Variants in KIF21A observed in about 807,000 individuals in gnomAD.
The protein encoded by KIF21A is kinesin-like protein KIF21A.
A neutral mutation model predicts 202.9 loss-of-function variants in KIF21A; 114 were observed. That is an observed-to-expected ratio of 0.56 (90% CI 0.48 to 0.66). KIF21A has a LOEUF of 0.66. KIF21A is among the 30% of genes least tolerant of loss of function. The pLI, the probability that KIF21A is intolerant of heterozygous loss-of-function variation, is 0.00. For missense variants in KIF21A, 1,677 were observed against 1,994.9 expected (o/e 0.84, Z 3.04); for synonymous variants, 667 against 670.8 (o/e 0.99, Z 0.09).
chr12:39,440,025 C>A (rs975806397), intron 1 of KIF21A, among the ~76,000 whole-genome samples: 1 of 152,068 alleles, frequency 6.6e-6, no homozygotes, highest in Non-Finnish European at 1.5e-5. Context: ...TATAGACACA[C>A]GATTTTGTAT....
intron 25 of KIF21A, 85 bp downstream of exon 25, chr12:39,326,179 G>GT: frequency 2.8e-6 from 3 of 1,063,478 alleles, no homozygotes; most frequent in Non-Finnish European, 4.3e-6. Context: ...AATTATTTCT[G>GT]TTTTATGGTA....
chr12:39,421,309 A>G (rs1954235615), intron 1 of KIF21A, among the ~76,000 whole-genome samples: 1 of 152,176 alleles, frequency 6.6e-6, no homozygotes, highest in Non-Finnish European at 1.5e-5. Flanking sequence ...CACAACCGCA[A>G]AATTGCCTAA....
intron 37 of KIF21A, among the ~76,000 whole-genome samples, chr12:39,297,645 GT>G (rs1942528893): frequency 6.6e-6 from 1 of 150,636 alleles, no homozygotes; most frequent in Non-Finnish European, 1.5e-5. Flanking sequence ...TAGATGACGA[GT>G]TAGTGAGTGC....
Position 39,330,242 on chromosome 12 carries a change from C to T in KIF21A, c.3340G>A (p.Glu1114Lys). ...ALQDLDSVPL[E>K]NVEDSTDEDA... Reference sequence around the variant, plus strand: ...TACACAGAAAGCTAAACATACTTACCTAATGGTACGCTATCTAGATCTGTG... The same window carrying T: ...TACACAGAAAGCTAAACATACTTACTTAATGGTACGCTATCTAGATCTGTG... Residue 1114 changes from glutamate to lysine, a missense_variant and splice_region_variant, in exon 24 of 38, where the codon GAA (glutamate) becomes AAA (lysine). Glu to Lys is a moderately conservative substitution (Grantham distance 56). Coordinates refer to ENST00000361418, the MANE Select transcript of KIF21A (RefSeq NM_001173464.2). 6.2e-7 allele frequency: 1 copy of T among 1,611,762 alleles called. No individual in the cohort carries two copies. Among genetic ancestry groups the T allele is most frequent in the African/African-American group, 1.3e-5 (1 of 74,962 alleles).
At chr12:39,393,689 C>A (rs1951533291) in intron 1 of KIF21A, among the ~76,000 whole-genome samples, 1 of 152,116 alleles carries the variant, frequency 6.6e-6, no homozygotes, top group Non-Finnish European at 1.5e-5. Context: ...AATGCTTTCC[C>A]AAAAGTATTA....
At chr12:39,315,711 C>T (rs1944460629) in intron 30 of KIF21A, 1 of 597,510 alleles carries the variant, frequency 1.7e-6, no homozygotes, top group Non-Finnish European at 3.0e-6. Flanking sequence ...AAACAGGTAT[C>T]ACAATTTTTA....
chr12:39,371,699 G>C (rs1325466728), intron 1 of KIF21A, among the ~76,000 whole-genome samples: 2 of 152,118 alleles, frequency 1.3e-5, no homozygotes, highest in South Asian at 4.1e-4. Context: ...CAGGACTTAG[G>C]GAGGCCAATA....
chr12:39,388,331 G>A (rs1409074791), intron 1 of KIF21A, among the ~76,000 whole-genome samples: 1 of 152,138 alleles, frequency 6.6e-6, no homozygotes, highest in East Asian at 1.9e-4. Flanking sequence ...TCCATCGTAA[G>A]TGGAAGCAGT....
chr12:39,357,561 G>A (rs1948871068), intron 8 of KIF21A, 124 bp from the exon 9 acceptor site: 2 of 784,136 alleles, frequency 2.6e-6, no homozygotes, highest in Non-Finnish European at 4.4e-6. Context: ...CCAACCCCAA[G>A]GCAAAAGAAA....
intron 1 of KIF21A, among the ~76,000 whole-genome samples, chr12:39,387,999 T>C (rs1464608271): frequency 6.6e-6 from 1 of 152,102 alleles, no homozygotes; most frequent in Non-Finnish European, 1.5e-5. Flanking sequence ...GCAAGAAAAG[T>C]GATGTGTGCT....
intron 24 of KIF21A, among the ~76,000 whole-genome samples, chr12:39,326,636 AC>A (rs1391158221): frequency 1.3e-5 from 2 of 152,220 alleles, no homozygotes; most frequent in African/African-American, 4.8e-5. Context: ...CGTATCCTGT[AC>A]CATCCAAACA....
intron 1 of KIF21A, among the ~76,000 whole-genome samples, chr12:39,378,041 G>C (rs944877224): frequency 6.6e-6 from 1 of 152,008 alleles, no homozygotes; most frequent in Non-Finnish European, 1.5e-5. Flanking sequence ...AGCATACATA[G>C]CTAATGCTTC....
chr12:39,436,448 A>ATATATATATATATTTTT lies in KIF21A; in HGVS notation c.44+6478_44+6479insAAAAATATATATATATA, dbSNP rs1387332677. 5.2e-5 allele frequency among the ~76,000 whole-genome samples: 5 copies of ATATATATATATATTTTT among 95,756 alleles called. No homozygotes were observed. The East Asian group carries it at 1.3e-3, about 25-fold the overall frequency. The allele number at this position is 95,756 out of a possible 152,430, so 62.8% of individuals were successfully genotyped here. On this transcript the variant is annotated intron_variant, in intron 1 of 37. Coordinates refer to ENST00000361418, the MANE Select transcript of KIF21A (RefSeq NM_001173464.2). Reference sequence around the variant, plus strand: ...TATATATATATATATATATATATATATTTTTTTTTTTTTTAGACAGGGTTT... The same window carrying ATATATATATATATTTTT: ...TATATATATATATATATATATATATATATATATATATATTTTTTTTTTTTTTTTTTTAGACAGGGTTT...
intron 11 of KIF21A, among the ~76,000 whole-genome samples, chr12:39,350,708 C>A (rs990301305): frequency 1.3e-5 from 2 of 151,994 alleles, no homozygotes; most frequent in African/African-American, 4.8e-5. Flanking sequence ...AGTGCAATTT[C>A]AATTGCAATG....
intron 24 of KIF21A, among the ~76,000 whole-genome samples, chr12:39,329,695 T>C (rs1946331910): frequency 6.6e-6 from 1 of 152,170 alleles, no homozygotes; most frequent in Non-Finnish European, 1.5e-5. Flanking sequence ...GTGCTAGTTA[T>C]AATGCCAGGT....
intron 6 of KIF21A, 64 bp from the exon 7 acceptor site, chr12:39,363,277 TAAAG>T (rs1949369473): frequency 3.2e-6 from 3 of 936,222 alleles, no homozygotes; most frequent in East Asian, 2.6e-5. Flanking sequence ...CAATTTTAAA[TAAAG>T]AAAGTTTACA....
At chr12:39,416,713 G>GCGTATATATA (rs2140144137) in intron 1 of KIF21A, among the ~76,000 whole-genome samples, 2 of 73,576 alleles carry the variant, frequency 2.7e-5, no homozygotes, top group Admixed American at 3.1e-4. Flanking sequence ...ATATATATGT[G>GCGTATATATA]TGTATATATG....
chr12:39,394,645 C>G (rs553900193), intron 1 of KIF21A, among the ~76,000 whole-genome samples: 16 of 152,330 alleles, frequency 1.1e-4, no homozygotes, highest in Admixed American at 2.0e-4. Context: ...ATATATTTCA[C>G]TGAGTAGAAG....
chr12:39,329,448 G>A (rs958880177), intron 24 of KIF21A, among the ~76,000 whole-genome samples: 1 of 151,924 alleles, frequency 6.6e-6, no homozygotes, highest in Non-Finnish European at 1.5e-5. Context: ...AGGAGGAGGA[G>A]AACAAGAAGG....
Sources: gnomAD v4.1 joint callset for allele counts (sites outside exome capture counted in the v4.1 genomes callset) on GRCh38, gnomAD v4.1.1 for gene constraint, MANE v1.5 for transcripts, NCBI Gene and HGNC (gene_info 2026-07-23, HGNC 2026-07-21) for gene names.